The following ZNF704 variants were observed in gnomAD, a reference collection of about 807,000 sequenced individuals.
ZNF704 encodes glucocorticoid induced gene 1.
A neutral mutation model predicts 44.7 loss-of-function variants in ZNF704; 10 were observed. That is an observed-to-expected ratio of 0.22 (90% CI 0.14 to 0.38). The LOEUF is 0.38. Ranked by LOEUF, ZNF704 falls within the 10% of genes least tolerant of loss-of-function variation. The pLI, the probability that ZNF704 is intolerant of heterozygous loss-of-function variation, is 1.00. For synonymous variants in ZNF704, 211 were observed against 207.6 expected (o/e 1.02, Z -0.14); for missense variants, 390 against 545.5 (o/e 0.71, Z 2.84).
Position 80,684,556 on chromosome 8 carries a change from A to T in ZNF704, c.558+2670T>A, listed in dbSNP as rs114150266. 8.1e-3 allele frequency among the ~76,000 whole-genome samples: 1,235 copies of T among 152,346 alleles called. 22 individuals carry two copies. The highest frequency in any genetic ancestry group is 0.028 in the African/African-American group (1,157 of 41,582). On this transcript the variant is annotated intron_variant, in intron 4 of 8. Coordinates refer to ENST00000327835, the MANE Select transcript of ZNF704 (RefSeq NM_001033723.3). ...AAACTGAGGGAAAGGAGAGGAAAAT[A>T]AGATGAACTCAGAAAGTTCTACCAA...
At chr8:80,663,734 T>C (rs1180331955) in intron 6 of ZNF704, among the ~76,000 whole-genome samples, 1 of 151,244 alleles carries the variant, frequency 6.6e-6, no homozygotes, top group Non-Finnish European at 1.5e-5. Context: ...TTACATTTTA[T>C]TTATTTTTTT....
At chr8:80,782,349 A>C (rs1807541503) in intron 2 of ZNF704, among the ~76,000 whole-genome samples, 1 of 152,222 alleles carries the variant, frequency 6.6e-6, no homozygotes, top group African/African-American at 2.4e-5. Context: ...TAAAAGCACA[A>C]GTTGGAGGAG....
intron 3 of ZNF704, among the ~76,000 whole-genome samples, chr8:80,691,851 T>G (rs940713424): frequency 6.6e-6 from 1 of 152,188 alleles, no homozygotes; most frequent in African/African-American, 2.4e-5. Flanking sequence ...TGTGCGTCTG[T>G]CACCTGCCCC....
At chr8:80,746,289 A>G (rs1475287036) in intron 2 of ZNF704, among the ~76,000 whole-genome samples, 1 of 152,232 alleles carries the variant, frequency 6.6e-6, no homozygotes, top group Admixed American at 6.5e-5. Flanking sequence ...AAAGATTTAT[A>G]CCATCTGAAG....
intron 2 of ZNF704, among the ~76,000 whole-genome samples, chr8:80,804,899 A>G (rs920169647): frequency 5.3e-5 from 8 of 152,202 alleles, no homozygotes; most frequent in Non-Finnish European, 1.2e-4. Context: ...CATCTGGCTG[A>G]AAATTTCATC....
chr8:80,649,315 G>C (rs1488807691), intron 7 of ZNF704, among the ~76,000 whole-genome samples: 1 of 152,136 alleles, frequency 6.6e-6, no homozygotes, highest in Non-Finnish European at 1.5e-5. Flanking sequence ...CAGATAGTGG[G>C]TGCACGACAG....
intron 2 of ZNF704, among the ~76,000 whole-genome samples, chr8:80,712,453 TC>T (rs1209122932): frequency 6.6e-6 from 1 of 152,180 alleles, no homozygotes; most frequent in Non-Finnish European, 1.5e-5. Context: ...AAGGAAACTT[TC>T]ATAGAGAACC....
At chr8:80,797,033 C>G (rs1807817946) in intron 2 of ZNF704, among the ~76,000 whole-genome samples, 1 of 143,446 alleles carries the variant, frequency 7.0e-6, no homozygotes, top group East Asian at 2.0e-4. Context: ...GGGAATAGCC[C>G]AAAAGATAGT....
At chr8:80,742,819 C>T (rs1042755550) in intron 2 of ZNF704, among the ~76,000 whole-genome samples, 1 of 151,984 alleles carries the variant, frequency 6.6e-6, no homozygotes, top group African/African-American at 2.4e-5. Flanking sequence ...GGTTGTCGGC[C>T]AACCTCCCCA....
chr8:80,770,993 G>A (rs1029038197), intron 2 of ZNF704, among the ~76,000 whole-genome samples: 4 of 152,088 alleles, frequency 2.6e-5, no homozygotes, highest in African/African-American at 9.7e-5. Context: ...CTTGCACTGA[G>A]TTTCTTTTAC....
intron 4 of ZNF704, among the ~76,000 whole-genome samples, chr8:80,683,120 T>G (rs771055813): frequency 1.3e-5 from 2 of 152,180 alleles, no homozygotes; most frequent in Non-Finnish European, 2.9e-5. Context: ...CTGCATCACC[T>G]TGTGGTCATG....
chr8:80,676,618 T>C (rs1818369723), intron 4 of ZNF704, among the ~76,000 whole-genome samples: 1 of 152,138 alleles, frequency 6.6e-6, no homozygotes, highest in Non-Finnish European at 1.5e-5. Flanking sequence ...GAGGGAAGGT[T>C]GTGTATGAAG....
At chr8:80,871,555 T>C (rs958236755) in intron 1 of ZNF704, among the ~76,000 whole-genome samples, 6 of 152,220 alleles carry the variant, frequency 3.9e-5, no homozygotes, top group Non-Finnish European at 8.8e-5. Context: ...TTCTTGCTTA[T>C]GCATGTACAT....
At chr8:80,810,204 C>T (rs1009067003) in intron 2 of ZNF704, among the ~76,000 whole-genome samples, 3 of 152,164 alleles carry the variant, frequency 2.0e-5, no homozygotes, top group Admixed American at 6.5e-5. Flanking sequence ...TACGGTATCA[C>T]CTGAACAGCT....
In ZNF704 at chr8:80,630,722, C is replaced by A. The variant is rs1226503265; in HGVS notation, c.*10644G>T. 1 of 152,084 alleles carries A rather than the reference C, an allele frequency of 6.6e-6. No individual in the cohort carries two copies. Among genetic ancestry groups the A allele is most frequent in the African/African-American group, 2.4e-5 (1 of 41,386 alleles). The allele number at this position is 152,084 out of a possible 1,614,324, so 9.4% of individuals were successfully genotyped here. On this transcript the variant is annotated 3_prime_UTR_variant, in exon 9 of 9. Coordinates refer to ENST00000327835, the MANE Select transcript of ZNF704 (RefSeq NM_001033723.3). Reference sequence around the variant, plus strand: ...TTTTTTCTTATCCTGAGTTCTTCTTCTAAGTATATAGGATTTTGATACGCA... The same window carrying A: ...TTTTTTCTTATCCTGAGTTCTTCTTATAAGTATATAGGATTTTGATACGCA...
In ZNF704 at chr8:80,689,099, T is replaced by G. The variant is rs185765677; in HGVS notation, c.326-1641A>C. 7.5e-4 allele frequency among the ~76,000 whole-genome samples: 114 copies of G among 152,314 alleles called. 1 individual carries two copies. The highest frequency in any genetic ancestry group is 7.2e-4 in the Non-Finnish European group (49 of 68,026). ...GGATAATTTCTCCTCCATATTTATG[T>G]GCATTTTGAATATATTAAAACTATG... On this transcript the variant is annotated intron_variant, in intron 3 of 8. Coordinates refer to ENST00000327835, the MANE Select transcript of ZNF704 (RefSeq NM_001033723.3).
At chr8:80,653,960 C>T (rs1212782291) in intron 7 of ZNF704, among the ~76,000 whole-genome samples, 1 of 152,112 alleles carries the variant, frequency 6.6e-6, no homozygotes, top group Non-Finnish European at 1.5e-5. Flanking sequence ...CTACAGTAAC[C>T]AAAATAGCAT....
At chr8:80,783,266 T>C (rs1202334925) in intron 2 of ZNF704, among the ~76,000 whole-genome samples, 1 of 152,174 alleles carries the variant, frequency 6.6e-6, no homozygotes, top group East Asian at 1.9e-4. Flanking sequence ...AACATTCAAC[T>C]GTAGGAGTTT....
chr8:80,711,903 G>A (rs1818993247), intron 2 of ZNF704, among the ~76,000 whole-genome samples: 1 of 152,204 alleles, frequency 6.6e-6, no homozygotes, highest in South Asian at 2.1e-4. Flanking sequence ...TAGCAGGACA[G>A]ACCACAAACA....
Sources: gnomAD v4.1 joint callset for allele counts (sites outside exome capture counted in the v4.1 genomes callset) on GRCh38, gnomAD v4.1.1 for gene constraint, MANE v1.5 for transcripts, NCBI Gene and HGNC (gene_info 2026-07-23, HGNC 2026-07-21) for gene names.